The following TMEM266 variants were observed in gnomAD, a reference collection of about 807,000 sequenced individuals.
TMEM266 encodes Hv1 related protein 1.
In TMEM266, 33 loss-of-function variants were observed where a neutral mutation model predicts 50.5. That is an observed-to-expected ratio of 0.65 (90% CI 0.50 to 0.87). The LOEUF (loss-of-function observed/expected upper bound fraction) is 0.87, where lower values mean the gene tolerates loss of function less well. TMEM266 is among the 40% of genes least tolerant of loss of function. The pLI is 0.00. For synonymous variants in TMEM266, 310 were observed against 292.3 expected (o/e 1.06, Z -0.62); for missense variants, 655 against 695.1 (o/e 0.94, Z 0.65).
At chr15:76,191,859 C>T (rs563518529) in intron 8 of TMEM266, 109 bp from the exon 9 acceptor site, 3 of 1,028,026 alleles carry the variant, frequency 2.9e-6, no homozygotes, top group Admixed American at 3.3e-5. Flanking sequence ...AGGCTCAGCC[C>T]AGTCCTCCCC....
chr15:76,099,561 A>G (rs1007980483), intron 1 of TMEM266, among the ~76,000 whole-genome samples: 8 of 152,226 alleles, frequency 5.3e-5, no homozygotes, highest in Admixed American at 4.6e-4. Flanking sequence ...TTTTAAACCC[A>G]TTTTCCAAAT....
intron 9 of TMEM266, among the ~76,000 whole-genome samples, chr15:76,193,653 G>A (rs1045353002): frequency 2.6e-5 from 4 of 152,066 alleles, no homozygotes; most frequent in Non-Finnish European, 4.4e-5. Flanking sequence ...GCCTCAGCTC[G>A]CCCTCCTCTA....
rs2037854356 is a variant in TMEM266, at chr15:76,152,136, GGGTACCATCTTTTCCT to G, written c.228-4467_228-4452del. On this transcript the variant is annotated intron_variant, in intron 3 of 10. Transcript: ENST00000388942. ...GGCCTCACCAGCCACTGTATCCCCTGGGTACCATCTTTTCCTTGACAGTGGTCTTCTGTCCTTCCAC... is the reference window on the plus strand; with the variant it reads ...GGCCTCACCAGCCACTGTATCCCCTGTGACAGTGGTCTTCTGTCCTTCCAC... Among the ~76,000 whole-genome samples the G allele has an allele frequency of 3.9e-5, 6 of 152,240 alleles. No individual in the cohort carries two copies. The South Asian group carries it at 1.2e-3, about 32-fold the overall frequency.
At position 76,074,634 on chromosome 15, in the gene TMEM266, C is replaced by T. The variant is rs188972515; in HGVS notation, c.-97+14618C>T. On this transcript the variant is annotated intron_variant, in intron 1 of 10. Coordinates refer to ENST00000388942, the MANE Select transcript of TMEM266 (RefSeq NM_152335.3). ...AAGGGAGAATTTAGGGCCTTGTAGA[C>T]CATGGTGAGGATTTGAATTTCATAA... 6.6e-5 allele frequency among the ~76,000 whole-genome samples: 10 copies of T among 152,062 alleles called. No homozygotes were observed. The East Asian group carries it at 1.9e-3, about 29-fold the overall frequency.
intron 1 of TMEM266, among the ~76,000 whole-genome samples, chr15:76,087,684 C>T (rs2036794852): frequency 6.6e-6 from 1 of 152,110 alleles, no homozygotes; most frequent in South Asian, 2.1e-4. Context: ...ACCCTGGAAA[C>T]CTTGACATTT....
intron 1 of TMEM266, among the ~76,000 whole-genome samples, chr15:76,100,348 C>T (rs531340872): frequency 1.3e-5 from 2 of 152,014 alleles, no homozygotes; most frequent in South Asian, 2.1e-4. Flanking sequence ...AAATCCTATC[C>T]CTCCTTCAAG....
At chr15:76,199,958 G>A (rs1245036288) in intron 9 of TMEM266, among the ~76,000 whole-genome samples, 2 of 152,190 alleles carry the variant, frequency 1.3e-5, no homozygotes, top group Non-Finnish European at 2.9e-5. Context: ...GCTTGTCCTT[G>A]GTACCTGTGT....
At chr15:76,194,290 A>G (rs1044080946) in intron 9 of TMEM266, among the ~76,000 whole-genome samples, 1 of 152,188 alleles carries the variant, frequency 6.6e-6, no homozygotes, top group Non-Finnish European at 1.5e-5. Flanking sequence ...CCCATCGCCA[A>G]TTCCTGATTA....
intron 8 of TMEM266, among the ~76,000 whole-genome samples, chr15:76,184,287 C>T (rs959700179): frequency 8.5e-5 from 13 of 152,218 alleles, no homozygotes; most frequent in East Asian, 3.9e-4. Flanking sequence ...GTAAAACAGC[C>T]GATAGCTTTA....
Position 76,175,564 on chromosome 15 carries a change from G to T in TMEM266, c.658G>T (p.Val220Phe), listed in dbSNP as rs373335165. The change falls in exon 8 of 11, where the codon GTC (valine) becomes TTC (phenylalanine). Residue 220 changes from valine to phenylalanine, a missense_variant. Val to Phe is a conservative substitution (Grantham distance 50, BLOSUM62 -1). This residue lies in a region of TMEM266 where 101 missense variants were observed against 182.6 expected (regional missense o/e 0.55). Coordinates refer to ENST00000388942, the MANE Select transcript of TMEM266 (RefSeq NM_152335.3). ...GGGCTGTCTCTGTCTTCCAGCCTAC[G>T]TCCTGCCAGTGAAGCTGGAGATGGA... 1.2e-6 allele frequency: 2 copies of T among 1,613,480 alleles called. No individual in the cohort carries two copies. Among genetic ancestry groups the T allele is most frequent in the Non-Finnish European group, 1.7e-6 (2 of 1,179,628 alleles).
intron 1 of TMEM266, among the ~76,000 whole-genome samples, chr15:76,117,007 C>T (rs2037260660): frequency 1.3e-5 from 2 of 150,502 alleles, no homozygotes; most frequent in South Asian, 4.2e-4. Context: ...TCCAGCGATT[C>T]TCCTGCCTCA....
intron 3 of TMEM266, among the ~76,000 whole-genome samples, chr15:76,156,381 G>T (rs1038273807): frequency 6.6e-6 from 1 of 150,826 alleles, no homozygotes; most frequent in African/African-American, 2.4e-5. Flanking sequence ...GAAAAGAAAA[G>T]AAAAAAAAAG....
At chr15:76,063,325 A>G (rs2036341419) in intron 1 of TMEM266, among the ~76,000 whole-genome samples, 1 of 152,214 alleles carries the variant, frequency 6.6e-6, no homozygotes, top group South Asian at 2.1e-4. Flanking sequence ...CCAAGTCAGC[A>G]TAGCTCAAAC....
chr15:76,110,656 G>A (rs977083170), intron 1 of TMEM266, among the ~76,000 whole-genome samples: 8 of 152,162 alleles, frequency 5.3e-5, no homozygotes. Context: ...GTCTGCTGTG[G>A]TGCTTATTTT....
chr15:76,112,475 G>A (rs919736812), intron 1 of TMEM266: 1 of 152,140 alleles, frequency 6.6e-6, no homozygotes, highest in African/African-American at 2.4e-5. Context: ...ATTAATTTTT[G>A]TAATGTGCTA....
chr15:76,111,168 C>T (rs935724580), intron 1 of TMEM266, among the ~76,000 whole-genome samples: 1 of 151,586 alleles, frequency 6.6e-6, no homozygotes, highest in Non-Finnish European at 1.5e-5. Context: ...GCAACCTTTG[C>T]CTCCTGGGTT....
chr15:76,152,426 G>C (rs1264371139), intron 3 of TMEM266, among the ~76,000 whole-genome samples: 1 of 152,194 alleles, frequency 6.6e-6, no homozygotes, highest in Non-Finnish European at 1.5e-5. Flanking sequence ...GGTTTCTTGG[G>C]TGCTGTGTGT....
chr15:76,119,495 G>A (rs145371542), intron 1 of TMEM266, among the ~76,000 whole-genome samples: 11 of 152,126 alleles, frequency 7.2e-5, no homozygotes, highest in African/African-American at 2.4e-4. Context: ...AGCCGGGCGC[G>A]GTGGCTCAGG....
intron 9 of TMEM266, among the ~76,000 whole-genome samples, chr15:76,199,522 G>C (rs967768321): frequency 1.4e-5 from 2 of 146,984 alleles, no homozygotes; most frequent in Non-Finnish European, 3.0e-5. Context: ...TCTGGCCTCA[G>C]CTCCTGCAGA....
Sources: gnomAD v4.1 joint callset for allele counts (sites outside exome capture counted in the v4.1 genomes callset) on GRCh38, gnomAD v4.1.1 for gene constraint, gnomAD v4.1.1 regional missense constraint, MANE v1.5 for transcripts, NCBI Gene and HGNC (gene_info 2026-07-23, HGNC 2026-07-21) for gene names.